The following DNAH17 variants were observed in gnomAD, a reference collection of about 807,000 sequenced individuals.
DNAH17 encodes dynein axonemal heavy chain 17.
DNAH17 carries 376 observed loss-of-function variants against 485.6 expected under a neutral mutation model. The ratio of observed to expected loss-of-function variants is 0.77; its 90% CI spans 0.71 to 0.84. The LOEUF (loss-of-function observed/expected upper bound fraction) is 0.84, where lower values mean the gene tolerates loss of function less well. Among genes scored for constraint, DNAH17 ranks in the 40% least tolerant of loss-of-function variants. The probability of loss-of-function intolerance (pLI) is 0.00; values close to 1 mark genes in which losing one functional copy is unlikely to be tolerated. For synonymous variants in DNAH17, 3,031 were observed against 2,405.9 expected (o/e 1.26, Z -7.60); for missense variants, 6,370 against 5,839.3 (o/e 1.09, Z -2.96).
rs747239210 is a variant in DNAH17 at position 78,480,790 on chromosome 17, AG to A, written c.7650-5del. On this transcript the variant is annotated splice_region_variant and splice_polypyrimidine_tract_variant and intron_variant, in intron 48 of 80. Coordinates refer to ENST00000389840, the MANE Select transcript of DNAH17 (RefSeq NM_173628.4). Reference sequence around the variant, plus strand: ...CGTCAGCTTATGTCTGTCATACCTGAGGGGGGAAACCAGCATTCATGTTGTG... The same window carrying A: ...CGTCAGCTTATGTCTGTCATACCTGAGGGGGAAACCAGCATTCATGTTGTG... 37 of 1,609,036 alleles carry A rather than the reference AG, an allele frequency of 2.3e-5. No individual in the cohort carries two copies. Among genetic ancestry groups the A allele is most frequent in the Admixed American group, 8.4e-5 (5 of 59,560 alleles).
intron 48 of DNAH17, among the ~76,000 whole-genome samples, chr17:78,483,617 C>T (rs1023531167): frequency 2.7e-4 from 38 of 142,664 alleles, no homozygotes; most frequent in African/African-American, 8.7e-4. Context: ...GCAGCAAGAG[C>T]GAAACTCTGT....
At chr17:78,435,302 T>C (rs1022137959) in intron 74 of DNAH17, among the ~76,000 whole-genome samples, 1 of 152,162 alleles carries the variant, frequency 6.6e-6, no homozygotes, top group African/African-American at 2.4e-5. Flanking sequence ...CCGGTGCTTT[T>C]CACCAGCCTA....
chr17:78,552,543 G>C (rs1298214257), intron 15 of DNAH17, among the ~76,000 whole-genome samples, 154 bp downstream of exon 15: 1 of 147,392 alleles, frequency 6.8e-6, no homozygotes, highest in Non-Finnish European at 1.5e-5. Context: ...TGGGCAGGCA[G>C]GTGGAAGTAA....
At chr17:78,460,119 T>TC (rs2088025702) in intron 59 of DNAH17, 43 bp downstream of exon 59, 2 of 1,580,496 alleles carry the variant, frequency 1.3e-6, no homozygotes, top group East Asian at 4.6e-5. Flanking sequence ...CAGCTTCCTC[T>TC]CCAACCAGGC....
intron 26 of DNAH17, among the ~76,000 whole-genome samples, chr17:78,513,360 G>C (rs576251644): frequency 5.9e-5 from 9 of 152,184 alleles, no homozygotes; most frequent in Non-Finnish European, 1.0e-4. Flanking sequence ...CTTTGACATA[G>C]TTTGAAATAG....
At chr17:78,511,417 C>T (rs2090633097) in intron 26 of DNAH17, among the ~76,000 whole-genome samples, 1 of 152,152 alleles carries the variant, frequency 6.6e-6, no homozygotes, top group African/African-American at 2.4e-5. Flanking sequence ...GCTAGATCTG[C>T]TGTTTTAAGC....
intron 56 of DNAH17, among the ~76,000 whole-genome samples, chr17:78,465,582 G>C (rs1217210073): frequency 5.8e-5 from 8 of 137,690 alleles, no homozygotes; most frequent in African/African-American, 2.2e-4. Flanking sequence ...CTGCCCCGCC[G>C]CCCCATCTGG....
intron 25 of DNAH17, among the ~76,000 whole-genome samples, chr17:78,517,125 C>T (rs1234172597): frequency 6.6e-6 from 1 of 152,240 alleles, no homozygotes; most frequent in Non-Finnish European, 1.5e-5. Context: ...TCACTGCAAC[C>T]TCCACCTCCT....
chr17:78,423,905 G>A lies in DNAH17; in HGVS notation c.*1C>T. Reference sequence around the variant, plus strand: ...AGTGTGGGCTGTGAGGCAGGAGCGAGCTAAACCTGTAGGAGCAGCGCCACG... The same window carrying A: ...AGTGTGGGCTGTGAGGCAGGAGCGAACTAAACCTGTAGGAGCAGCGCCACG... On this transcript the variant is annotated 3_prime_UTR_variant, in exon 81 of 81. Coordinates refer to ENST00000389840, the MANE Select transcript of DNAH17 (RefSeq NM_173628.4). 6.2e-7 allele frequency: 1 copy of A among 1,613,940 alleles called. No homozygotes were observed. Among genetic ancestry groups the A allele is most frequent in the Non-Finnish European group, 8.5e-7 (1 of 1,179,866 alleles).
At chr17:78,552,384 C>T (rs1415699543) in intron 15 of DNAH17, among the ~76,000 whole-genome samples, 1 of 152,154 alleles carries the variant, frequency 6.6e-6, no homozygotes, top group Non-Finnish European at 1.5e-5. Flanking sequence ...TGTGCATGCT[C>T]TGTGCATGCT....
chr17:78,461,490 G>C, intron 58 of DNAH17, 54 bp downstream of exon 58: 2 of 1,465,120 alleles, frequency 1.4e-6, no homozygotes, highest in Non-Finnish European at 1.8e-6. Flanking sequence ...AAGCCCAGGA[G>C]GCCTGGCCAG....
At chr17:78,558,613 T>A (rs2092083345) in intron 13 of DNAH17, among the ~76,000 whole-genome samples, 1 of 152,208 alleles carries the variant, frequency 6.6e-6, no homozygotes, top group Non-Finnish European at 1.5e-5. Context: ...GTGGATGATG[T>A]CATCATTGTA....
At chr17:78,575,951 C>CCTTG (rs1166828831) in intron 1 of DNAH17, among the ~76,000 whole-genome samples, 1 of 152,174 alleles carries the variant, frequency 6.6e-6, no homozygotes, top group African/African-American at 2.4e-5. Flanking sequence ...GCCTTGGAGG[C>CCTTG]GAGTTCTGCA....
chr17:78,474,770 C>A (rs945096911), intron 54 of DNAH17, among the ~76,000 whole-genome samples: 1 of 139,658 alleles, frequency 7.2e-6, no homozygotes, highest in South Asian at 2.3e-4. Context: ...CTCAGTCACG[C>A]GGGCTGGAGG....
chr17:78,449,392 G>T (rs2087448785), intron 69 of DNAH17, 22 bp downstream of exon 69: 3 of 1,539,352 alleles, frequency 1.9e-6, no homozygotes, highest in South Asian at 2.4e-5. Flanking sequence ...ACCACACTAG[G>T]AACAGTGAGG....
chr17:78,487,252 G>A (rs991012269), intron 44 of DNAH17, among the ~76,000 whole-genome samples: 1 of 152,108 alleles, frequency 6.6e-6, no homozygotes, highest in African/African-American at 2.4e-5. Context: ...CTGAGTCCCT[G>A]GTTTCTCATC....
intron 17 of DNAH17, among the ~76,000 whole-genome samples, chr17:78,541,218 G>A (rs1390184504): frequency 5.8e-5 from 1 of 17,230 alleles, no homozygotes; most frequent in Non-Finnish European, 9.5e-5. Flanking sequence ...TGGGTGGGTG[G>A]GGGGGTGAGC....
In DNAH17 at chr17:78,445,567, G is replaced by A. The variant is rs763335861; in HGVS notation, c.11325C>T (p.Gly3775=). 15 of 1,561,350 alleles carry A rather than the reference G, an allele frequency of 9.6e-6. No individual in the cohort carries two copies. The highest frequency in any genetic ancestry group is 5.7e-5 in the Admixed American group (3 of 52,310). ...PVDFLQHQGW[G]GIKALSEMDE... ...ACGTCTAAAGACGAACCTTGATCCCGCCCCAGCCTTGATGCTGGAGGAAGT... is the reference window on the plus strand; with the variant it reads ...ACGTCTAAAGACGAACCTTGATCCCACCCCAGCCTTGATGCTGGAGGAAGT... Residue 3775 remains glycine (G), a synonymous_variant, in exon 70 of 81, where the codon GGC becomes GGT. Transcript: ENST00000389840.
rs1388884952 is a variant in DNAH17, at chr17:78,551,603, G to C, written c.2323C>G (p.Leu775Val). 1.2e-6 allele frequency: 2 copies of C among 1,614,002 alleles called. No homozygotes were observed. The highest frequency in any genetic ancestry group is 8.5e-7 in the Non-Finnish European group (1 of 1,179,894). ...TGCATCCTGTTCTGCAAGTTGTGCAGAATTTCTCGCACCTCTTGAATGTAC... is the reference window on the plus strand; with the variant it reads ...TGCATCCTGTTCTGCAAGTTGTGCACAATTTCTCGCACCTCTTGAATGTAC... ...FQYIQEVREI[L>V]HNLQNRMQKA... Residue 775 changes from leucine (L) to valine (V), a missense_variant, in exon 16 of 81, where the codon CTG (leucine) becomes GTG (valine). By Grantham distance (32) the Leu-to-Val change is conservative. Coordinates refer to ENST00000389840, the MANE Select transcript of DNAH17 (RefSeq NM_173628.4).
Sources: allele counts gnomAD v4.1 joint callset (sites outside exome capture counted in the v4.1 genomes callset), GRCh38; gene constraint gnomAD v4.1.1; transcripts MANE v1.5; gene names NCBI Gene and HGNC (gene_info 2026-07-23, HGNC 2026-07-21).